The following SLC25A26 variants were observed in gnomAD, a reference collection of about 807,000 sequenced individuals.
The protein encoded by SLC25A26 is mitochondrial S-adenosylmethionine carrier protein.
Under a neutral mutation model 37.8 loss-of-function variants are expected in SLC25A26, and 36 were observed. The observed-to-expected ratio is 0.95, with a 90% confidence interval of 0.73 to 1.26. SLC25A26 has a LOEUF of 1.26. Among genes scored for constraint, SLC25A26 ranks in the 50% most tolerant of loss-of-function variants. The pLI, the probability that SLC25A26 is intolerant of heterozygous loss-of-function variation, is 0.00. For synonymous variants in SLC25A26, 129 were observed against 122.5 expected, an observed-to-expected ratio of 1.05 and a Z score of -0.35; for missense variants, 390 against 331.1, an observed-to-expected ratio of 1.18 and a Z score of -1.38.
At chr3:66,229,988 T>C (rs141834420) in intron 1 of SLC25A26, among the ~76,000 whole-genome samples, 7,081 of 152,282 alleles carry the variant, frequency 0.046, 556 homozygotes, top group African/African-American at 0.16. Context: ...CTGCGAAGAA[T>C]AGCAGCAGAT....
chr3:66,331,836 C>T (rs2075981232), intron 5 of SLC25A26, among the ~76,000 whole-genome samples: 1 of 152,196 alleles, frequency 6.6e-6, no homozygotes, highest in Admixed American at 6.5e-5. Context: ...CTCCTGCTTA[C>T]ATCCCTCCTC....
In SLC25A26 at chr3:66,182,130, C is replaced by T. The variant is rs186111992; in HGVS notation, c.-353-38612C>T. ...GGACAAAAAGAAAGAGAACAGGGTC[C>T]GTGGTGGAGCAGATAATCAATATCT... is the stretch of plus-strand genomic sequence containing the variant. On this transcript the variant is annotated intron_variant, in intron 1 of 10. Transcript: ENST00000676754. Among the ~76,000 whole-genome samples, 880 of 152,176 alleles carry T rather than the reference C, an allele frequency of 5.8e-3. 9 individuals are homozygous for T. The highest frequency in any genetic ancestry group is 0.019 in the African/African-American group (793 of 41,510).
rs548197744 is a variant in SLC25A26 at position 66,136,895 on chromosome 3, A to G, written c.-354+2911A>G. On this transcript the variant is annotated intron_variant, in intron 1 of 10. Transcript: ENST00000676754. ...TGCTAGTCTCCCTTTCATAACAAAGAGAGAGCTTAACAAAGAGAGTTGGAG... is the reference window on the plus strand; with the variant it reads ...TGCTAGTCTCCCTTTCATAACAAAGGGAGAGCTTAACAAAGAGAGTTGGAG... Among the ~76,000 whole-genome samples, 3 of 152,368 alleles carry G rather than the reference A, an allele frequency of 2.0e-5. No homozygotes were observed. The East Asian group carries it at 5.8e-4, about 29-fold the overall frequency.
chr3:66,182,822 C>G (rs974775426), intron 1 of SLC25A26, among the ~76,000 whole-genome samples: 2 of 151,878 alleles, frequency 1.3e-5, no homozygotes, highest in Non-Finnish European at 2.9e-5. Context: ...AGGCTGGGAC[C>G]AACCCCAGGT....
chr3:66,204,804 T>C lies in SLC25A26; in HGVS notation c.-353-15938T>C, dbSNP rs1047490346. ...TTATCAATGTCTGCCGTGTGTACAG[T>C]AGGCAAAGTTAGGGTGCCTGTAACA... On this transcript the variant is annotated intron_variant, in intron 1 of 10. Coordinates refer to the SLC25A26 transcript ENST00000676754. Among the ~76,000 whole-genome samples, 332 of 152,312 alleles carry C rather than the reference T, an allele frequency of 2.2e-3. 1 individual carries two copies. Among genetic ancestry groups the C allele is most frequent in the African/African-American group, 7.6e-3 (315 of 41,566 alleles).
intron 9 of SLC25A26, among the ~76,000 whole-genome samples, chr3:66,375,493 G>A (rs1369721395): frequency 6.6e-6 from 1 of 152,204 alleles, no homozygotes; most frequent in Non-Finnish European, 1.5e-5. Flanking sequence ...TCTCTTGTTA[G>A]GGGCTAATGC....
chr3:66,315,621 A>T (rs2075516576), intron 5 of SLC25A26, among the ~76,000 whole-genome samples: 1 of 152,108 alleles, frequency 6.6e-6, no homozygotes, highest in Non-Finnish European at 1.5e-5. Flanking sequence ...TTCTGTAGGT[A>T]TCTGTCAGGT....
At chr3:66,248,475 T>C (rs1393281067) in intron 3 of SLC25A26, among the ~76,000 whole-genome samples, 1 of 152,244 alleles carries the variant, frequency 6.6e-6, no homozygotes, top group Non-Finnish European at 1.5e-5. Flanking sequence ...ACGGTACATA[T>C]GCTATAACAT....
chr3:66,147,149 C>CTCTTT (rs1388429823), intron 1 of SLC25A26, among the ~76,000 whole-genome samples: 4 of 106,168 alleles, frequency 3.8e-5, no homozygotes, highest in South Asian at 8.5e-4. Context: ...CTCCCCGTCC[C>CTCTTT]TCTTTTCTTT....
At chr3:66,274,761 G>T (rs2074076120) in intron 5 of SLC25A26, among the ~76,000 whole-genome samples, 3 of 152,124 alleles carry the variant, frequency 2.0e-5, no homozygotes, top group Admixed American at 2.0e-4. Context: ...ACAGGTGCTG[G>T]AGAGGATGTG....
At chr3:66,329,765 C>T (rs972502134) in intron 5 of SLC25A26, among the ~76,000 whole-genome samples, 3 of 152,130 alleles carry the variant, frequency 2.0e-5, no homozygotes, top group African/African-American at 7.2e-5. Context: ...TAGAGCCTTG[C>T]TCCATCACTG....
chr3:66,290,949 CT>C (rs1474573939), intron 5 of SLC25A26, among the ~76,000 whole-genome samples: 8 of 151,900 alleles, frequency 5.3e-5, no homozygotes, highest in Non-Finnish European at 1.0e-4. Flanking sequence ...GGTACTGGGC[CT>C]TTTTTGGTTT....
At chr3:66,270,774 A>G (rs953730664) in intron 5 of SLC25A26, among the ~76,000 whole-genome samples, 3 of 152,180 alleles carry the variant, frequency 2.0e-5, no homozygotes, top group African/African-American at 7.2e-5. Flanking sequence ...CATCTCTTAA[A>G]TAAGCAAATA....
At chr3:66,157,301 G>C (rs1441959045) in intron 1 of SLC25A26, among the ~76,000 whole-genome samples, 2 of 152,170 alleles carry the variant, frequency 1.3e-5, no homozygotes, top group Non-Finnish European at 2.9e-5. Flanking sequence ...TAAAAGCTTT[G>C]CTTGCAGGCT....
chr3:66,195,586 T>A (rs1355998654), intron 1 of SLC25A26, among the ~76,000 whole-genome samples: 3 of 152,250 alleles, frequency 2.0e-5, no homozygotes, highest in Non-Finnish European at 4.4e-5. Context: ...GCCCTCGGGC[T>A]AGCGTCTGGC....
intron 1 of SLC25A26, among the ~76,000 whole-genome samples, chr3:66,136,201 T>C (rs1334043821): frequency 1.3e-5 from 2 of 152,264 alleles, no homozygotes; most frequent in African/African-American, 2.4e-5. Flanking sequence ...CCCATCTATA[T>C]ATGTATCTGC....
At chr3:66,244,768 C>T (rs964509435) in intron 3 of SLC25A26, among the ~76,000 whole-genome samples, 9 of 151,864 alleles carry the variant, frequency 5.9e-5, no homozygotes, top group African/African-American at 1.2e-4. Context: ...GTCAGGAGAT[C>T]GAGAGCATCC....
intron 5 of SLC25A26, among the ~76,000 whole-genome samples, chr3:66,267,551 G>A (rs1288636525): frequency 6.6e-6 from 1 of 152,148 alleles, no homozygotes; most frequent in Non-Finnish European, 1.5e-5. Flanking sequence ...TCTGACTCCT[G>A]TCTGCAGAAA....
chr3:66,254,019 A>G (rs1280626392), intron 3 of SLC25A26, among the ~76,000 whole-genome samples: 1 of 152,224 alleles, frequency 6.6e-6, no homozygotes, highest in Admixed American at 6.5e-5. Flanking sequence ...ATTACCCGTG[A>G]CAGCAGTCTT....
Sources: gnomAD v4.1 joint callset for allele counts (sites outside exome capture counted in the v4.1 genomes callset) on GRCh38, gnomAD v4.1.1 for gene constraint, MANE v1.5 for transcripts, NCBI Gene and HGNC (gene_info 2026-07-23, HGNC 2026-07-21) for gene names.